CCDC63: variants seen among roughly 807,000 people sequenced by gnomAD.
CCDC63 encodes coiled-coil domain containing 63.
In CCDC63, 54 loss-of-function variants were observed where a neutral mutation model predicts 63.6. That is an observed-to-expected ratio of 0.85 (90% CI 0.68 to 1.07). The LOEUF (loss-of-function observed/expected upper bound fraction) is 1.07, where lower values mean the gene tolerates loss of function less well. CCDC63 is among the 50% of genes least tolerant of loss of function. CCDC63 has a pLI of 0.00. For synonymous variants in CCDC63, 253 were observed against 266.1 expected (o/e 0.95, Z 0.48); for missense variants, 637 against 689.6 (o/e 0.92, Z 0.86).
At chr12:110,902,714 A>G (rs933414090) in intron 10 of CCDC63, among the ~76,000 whole-genome samples, 1 of 151,882 alleles carries the variant, frequency 6.6e-6, no homozygotes, top group Non-Finnish European at 1.5e-5. Flanking sequence ...TGCCAATATT[A>G]TTTATTTATT....
intron 5 of CCDC63, among the ~76,000 whole-genome samples, chr12:110,878,365 A>G (rs1593671065): frequency 6.6e-6 from 1 of 151,892 alleles, no homozygotes; most frequent in African/African-American, 2.4e-5. Flanking sequence ...CCCAGGCTGG[A>G]GTGCAGTGGC....
intron 9 of CCDC63, among the ~76,000 whole-genome samples, chr12:110,895,209 G>C (rs1002333416): frequency 1.3e-5 from 2 of 152,188 alleles, no homozygotes; most frequent in Admixed American, 1.3e-4. Flanking sequence ...CACCTCCCGG[G>C]TTCATGCGAT....
chr12:110,873,777 C>G (rs933595951), intron 4 of CCDC63, 65 bp from the exon 5 acceptor site: 6 of 1,579,846 alleles, frequency 3.8e-6, no homozygotes, highest in Non-Finnish European at 5.2e-6. Context: ...AGTTAGTGAA[C>G]TGTAGAACGG....
Position 110,884,142 on chromosome 12 carries a change from C to T in CCDC63, c.966C>T (p.Leu322=). 1.2e-6 allele frequency: 2 copies of T among 1,614,116 alleles called. No homozygotes were observed. The highest frequency in any genetic ancestry group is 1.7e-6 in the Non-Finnish European group (2 of 1,180,028). The change falls in exon 8 of 12, where the codon CTC becomes CTT. Residue 322 remains leucine (L), a synonymous_variant. Transcript: ENST00000308208. The part of the protein sequence containing the change: ...KLAESGNLNQ[L]IEDFLAKEEK... ...CTGAGAGTGGGAACCTAAACCAGCT[C>T]ATTGAAGATTTTCTGGCCAAGGAGG...
At chr12:110,880,679 ACG>A in intron 6 of CCDC63, among the ~76,000 whole-genome samples, 3 of 1,460 alleles carry the variant, frequency 2.1e-3, no homozygotes, top group South Asian at 0.02. Flanking sequence ...GATGGTGGTG[ACG>A]ATAATGATGG....
At chr12:110,848,646 C>T (rs556924735) in intron 1 of CCDC63, among the ~76,000 whole-genome samples, 15 of 152,316 alleles carry the variant, frequency 9.8e-5, no homozygotes, top group Admixed American at 4.6e-4. Context: ...AGGCTACGTT[C>T]GCCCAGCGTC....
chr12:110,877,213 ATT>A (rs35327073), intron 5 of CCDC63, among the ~76,000 whole-genome samples: 10 of 138,618 alleles, frequency 7.2e-5, no homozygotes, highest in South Asian at 4.6e-4. Context: ...ATACAGTACA[ATT>A]TTTTTTTTTT....
chr12:110,887,153 A>C (rs905937195), intron 8 of CCDC63, among the ~76,000 whole-genome samples: 1 of 151,866 alleles, frequency 6.6e-6, no homozygotes, highest in Non-Finnish European at 1.5e-5. Flanking sequence ...TTTGAGACAG[A>C]GTCTTGCTCT....
At chr12:110,866,053 T>C (rs1174833946) in intron 4 of CCDC63, among the ~76,000 whole-genome samples, 1 of 152,158 alleles carries the variant, frequency 6.6e-6, no homozygotes, top group East Asian at 1.9e-4. Flanking sequence ...CCTCAGCTTA[T>C]TGCAACCTCT....
Position 110,873,970 on chromosome 12 carries a change from A to G in CCDC63, c.489+9A>G, listed in dbSNP as rs978117934. 9 of 1,608,512 alleles carry G rather than the reference A, an allele frequency of 5.6e-6. No individual in the cohort carries two copies. The highest frequency in any genetic ancestry group is 3.4e-5 in the Admixed American group (2 of 59,054). On this transcript the variant is annotated intron_variant, in intron 5 of 11. Transcript: ENST00000308208. ...AAACCCGTTTGAATCTCGTATGTAAAGTGTTCTCTGCAGCTCTGCAAACAG... is the reference window on the plus strand; with the variant it reads ...AAACCCGTTTGAATCTCGTATGTAAGGTGTTCTCTGCAGCTCTGCAAACAG...
chr12:110,855,123 C>G (rs931576441), intron 3 of CCDC63, among the ~76,000 whole-genome samples: 1 of 152,166 alleles, frequency 6.6e-6, no homozygotes, highest in Non-Finnish European at 1.5e-5. Context: ...TCCATGGATT[C>G]AACTTACTCA....
intron 4 of CCDC63, among the ~76,000 whole-genome samples, chr12:110,860,400 T>C (rs7310350): frequency 0.54 from 81,654 of 151,918 alleles, 23,290 homozygotes; most frequent in East Asian, 0.64. Flanking sequence ...CTAAGCAGCC[T>C]GACAGCTTCA....
intron 1 of CCDC63, 61 bp from the exon 2 acceptor site, chr12:110,852,798 C>A (rs774002638): frequency 5.9e-5 from 66 of 1,109,988 alleles, no homozygotes; most frequent in Non-Finnish European, 9.0e-5. Context: ...AGGTGCCGTT[C>A]TGACCTGCAC....
At chr12:110,860,841 G>A (rs1353326907) in intron 4 of CCDC63, among the ~76,000 whole-genome samples, 3 of 152,158 alleles carry the variant, frequency 2.0e-5, no homozygotes, top group Admixed American at 6.5e-5. Context: ...CACCCACCTC[G>A]GCCTCCCAAA....
rs191065557 is a variant in CCDC63, at chr12:110,888,979, G to A, written c.1075-4097G>A. On this transcript the variant is annotated intron_variant, in intron 8 of 11. Coordinates refer to ENST00000308208, the MANE Select transcript of CCDC63 (RefSeq NM_152591.3). ...CTCAATCTCCCTGGCTCAGGTGATC[G>A]TCTCATCTCAGCCTCCAGAGTGGCT... Among the ~76,000 whole-genome samples, 495 of 151,894 alleles carry A rather than the reference G, an allele frequency of 3.3e-3. 1 individual carries two copies. The highest frequency in any genetic ancestry group is 6.0e-3 in the Non-Finnish European group (407 of 67,950).
chr12:110,848,705 G>T (rs1031380464), intron 1 of CCDC63, among the ~76,000 whole-genome samples: 3 of 152,174 alleles, frequency 2.0e-5, no homozygotes, highest in Non-Finnish European at 4.4e-5. Flanking sequence ...ATTATTTTGC[G>T]CTGAGATATG....
chr12:110,904,880 T>C, intron 11 of CCDC63, 89 bp downstream of exon 11: 1 of 1,070,652 alleles, frequency 9.3e-7, no homozygotes. Flanking sequence ...CCCGAGAGGG[T>C]CTGCAGTGTT....
intron 5 of CCDC63, among the ~76,000 whole-genome samples, chr12:110,875,542 T>C (rs1198756337): frequency 6.6e-6 from 1 of 152,140 alleles, no homozygotes; most frequent in Non-Finnish European, 1.5e-5. Context: ...GTCTGCTTTT[T>C]TGTTCTAAGT....
chr12:110,894,706 G>A (rs2071397120), intron 9 of CCDC63, among the ~76,000 whole-genome samples: 1 of 152,164 alleles, frequency 6.6e-6, no homozygotes, highest in African/African-American at 2.4e-5. Context: ...TCCTTCACTC[G>A]GGGCCACCCA....
Sources: allele counts gnomAD v4.1 joint callset (sites outside exome capture counted in the v4.1 genomes callset), GRCh38; gene constraint gnomAD v4.1.1; transcripts MANE v1.5; gene names NCBI Gene and HGNC (gene_info 2026-07-23, HGNC 2026-07-21).